Variants in LENG1 observed in about 807,000 individuals in gnomAD.
LENG1 encodes leukocyte receptor cluster (LRC) member 1.
Under a neutral mutation model 28.8 loss-of-function variants are expected in LENG1, and 35 were observed. The observed-to-expected ratio is 1.22, with a 90% CI of 0.93 to 1.61. The LOEUF is 1.61. Ranked by LOEUF, LENG1 falls within the 40% of genes most tolerant of loss-of-function variation. The pLI is 0.00. For synonymous variants in LENG1, 170 were observed against 140.6 expected, an observed-to-expected ratio of 1.21 and a Z score of -1.48; for missense variants, 404 against 348.9, an observed-to-expected ratio of 1.16 and a Z score of -1.26.
intron 2 of LENG1, 143 bp from the exon 3 acceptor site, chr19:54,157,168 C>T (rs1367479739): frequency 1.6e-6 from 1 of 614,672 alleles, no homozygotes; most frequent in Non-Finnish European, 2.6e-6. Flanking sequence ...GGAAGACAAA[C>T]AGAGGCAAAG....
In LENG1 at chr19:54,159,566, C is replaced by G. The variant is rs1263526685; in HGVS notation, c.130G>C (p.Glu44Gln). The G allele has an allele frequency of 7.0e-6, 11 of 1,570,948 alleles. No homozygotes were observed. In the East Asian group the frequency reaches 1.6e-4, roughly 23 times the overall value. Reference protein sequence around the residue: ...RERRVLLAQQEARTEFLRKKA... With the variant: ...RERRVLLAQQQARTEFLRKKA... ...GCCCTGCCGGCTTCCGAGCTTACCT[C>G]TTGCTGAGCCAGCAGCACCCTCCGC... Residue 44 changes from glutamate to glutamine, a missense_variant and splice_region_variant, in exon 1 of 4, where the codon GAG becomes CAG. Glu to Gln is a conservative substitution (Grantham distance 29). Transcript: ENST00000222224.
chr19:54,158,329 CTCCTT>C lies in LENG1; in HGVS notation c.260_264del (p.Lys87SerfsTer6). On this transcript the variant is annotated frameshift_variant, in exon 2 of 4. Transcript: ENST00000222224. LOFTEE classifies it high-confidence loss of function. ...TTGTACTCTTTATTGCCTCTGATCACTCCTTTCCCTTCCTCCAGCAGCTCCCGAAA... is the reference window on the plus strand; with the variant it reads ...TTGTACTCTTTATTGCCTCTGATCACTCCCTTCCTCCAGCAGCTCCCGAAA... The C allele has an allele frequency of 6.2e-7, 1 of 1,614,142 alleles. No homozygotes were observed. The highest frequency in any genetic ancestry group is 8.5e-7 in the Non-Finnish European group (1 of 1,180,002).
chr19:54,155,199 G>C lies in LENG1; in HGVS notation c.*522C>G, dbSNP rs572092799. On this transcript the variant is annotated 3_prime_UTR_variant, in exon 4 of 4. Transcript: ENST00000222224. ...TGTGTGCGTGCAGGGCAGCTGGCCC[G>C]GTGCCTGACACATCCACAGCCCTAA... is the stretch of plus-strand genomic sequence containing the variant. The C allele has an allele frequency of 3.0e-6, 4 of 1,343,458 alleles. No individual in the cohort carries two copies. Among genetic ancestry groups the C allele is most frequent in the Non-Finnish European group, 4.1e-6 (4 of 979,786 alleles). The allele number at this position is 1,343,458 out of a possible 1,614,324, so 83.2% of individuals were successfully genotyped here.
chr19:54,155,251 G>A lies in LENG1; in HGVS notation c.*470C>T, dbSNP rs774134747. The stretch of plus-strand genomic sequence containing the variant: ...AATTGTCCCCTTTGTCTGTTGGTCC[G>A]GCCCAGATCCCAGACCACCTCCTCG... On this transcript the variant is annotated 3_prime_UTR_variant, in exon 4 of 4. Transcript: ENST00000222224. 9 of 1,598,718 alleles carry A rather than the reference G, an allele frequency of 5.6e-6. No homozygotes were observed. Among genetic ancestry groups the A allele is most frequent in the Non-Finnish European group, 5.1e-6 (6 of 1,174,370 alleles).
chr19:54,158,051 T>G (rs2075427230), intron 2 of LENG1, among the ~76,000 whole-genome samples: 1 of 152,206 alleles, frequency 6.6e-6, no homozygotes, highest in Non-Finnish European at 1.5e-5. Flanking sequence ...CTCCTCCAGT[T>G]TGGAGAACTG....
intron 3 of LENG1, 82 bp from the exon 4 acceptor site, chr19:54,156,022 G>A (rs1045317689): frequency 4.1e-5 from 51 of 1,253,660 alleles, no homozygotes; most frequent in Admixed American, 1.3e-4. Flanking sequence ...GGGAGCTGCC[G>A]CCTGGAAGCC....
chr19:54,158,727 G>A (rs775173587), intron 1 of LENG1, among the ~76,000 whole-genome samples: 1 of 152,178 alleles, frequency 6.6e-6, no homozygotes, highest in Non-Finnish European at 1.5e-5. Flanking sequence ...AACCAAAGGG[G>A]TTCCTAACCT....
chr19:54,156,801 T>G lies in LENG1; in HGVS notation c.537A>C (p.Arg179Ser). 3 of 1,613,888 alleles carry G rather than the reference T, an allele frequency of 1.9e-6. No homozygotes were observed. The highest frequency in any genetic ancestry group is 2.5e-6 in the Non-Finnish European group (3 of 1,179,874). The change falls in exon 3 of 4, where the codon AGA becomes AGC. Residue 179 changes from arginine to serine, a missense_variant. Coordinates refer to ENST00000222224, the MANE Select transcript of LENG1 (RefSeq NM_024316.3). The part of the protein sequence containing the change: ...QHGGDEGSRS[R>S]KEKEGSEKQR... ...GCTTCTCAGACCCCTCCTTTTCCTT[T>G]CTGCTGCGACTGCCTTCATCACCGC... is the stretch of plus-strand genomic sequence containing the variant.
chr19:54,156,658 C>A, intron 3 of LENG1, 105 bp downstream of exon 3: 1 of 1,234,762 alleles, frequency 8.1e-7, no homozygotes, highest in Non-Finnish European at 1.1e-6. Flanking sequence ...CAGCCCTTCA[C>A]GGAGTCCCTG....
intron 3 of LENG1, 62 bp downstream of exon 3, chr19:54,156,701 G>A: frequency 6.6e-7 from 1 of 1,523,038 alleles, no homozygotes; most frequent in Non-Finnish European, 8.9e-7. Context: ...CAGTGCCCAT[G>A]CTGGGCTGCT....
rs756294496 is a variant in LENG1 at position 54,155,237 on chromosome 19, TTGTC to T, written c.*480_*483del. On this transcript the variant is annotated 3_prime_UTR_variant, in exon 4 of 4. Coordinates refer to ENST00000222224, the MANE Select transcript of LENG1 (RefSeq NM_024316.3). ...TCCACAGCCCTAAGAATTGTCCCCT[TTGTC>T]TGTTGGTCCGGCCCAGATCCCAGAC... 14 of 1,579,972 alleles carry T rather than the reference TTGTC, an allele frequency of 8.9e-6. No homozygotes were observed. Among genetic ancestry groups the T allele is most frequent in the Admixed American group, 1.8e-5 (1 of 57,076 alleles).
Position 54,156,894 on chromosome 19 carries a change from C to T in LENG1, c.444G>A (p.Glu148=), listed in dbSNP as rs2075400088. ...GGPPPGPAPD[E]KIKSRLDPLR... Reference sequence around the variant, plus strand: ...GAGGGTCCAGACGGCTCTTGATCTTCTCATCTGGGGCTGGGCCGGGCGGGG... The same window carrying T: ...GAGGGTCCAGACGGCTCTTGATCTTTTCATCTGGGGCTGGGCCGGGCGGGG... Residue 148 remains glutamate, a synonymous_variant, in exon 3 of 4, where the codon GAG becomes GAA. Transcript: ENST00000222224. 1 of 1,556,808 alleles carries T rather than the reference C, an allele frequency of 6.4e-7. No individual in the cohort carries two copies. Among genetic ancestry groups the T allele is most frequent in the Non-Finnish European group, 8.9e-7 (1 of 1,127,626 alleles).
At chr19:54,158,612 G>T in intron 1 of LENG1, 151 bp from the exon 2 acceptor site, 1 of 667,936 alleles carries the variant, frequency 1.5e-6, no homozygotes, top group Non-Finnish European at 2.5e-6. Context: ...TGTCCTAGCT[G>T]GGGGTGAGGG....
chr19:54,158,760 C>T (rs1416472025), intron 1 of LENG1, among the ~76,000 whole-genome samples: 1 of 152,162 alleles, frequency 6.6e-6, no homozygotes, highest in Admixed American at 6.5e-5. Flanking sequence ...TTAAAACAGC[C>T]ATAAAGGTAT....
rs775613464 is a variant in LENG1 at position 54,159,643 on chromosome 19, G to A, written c.53C>T (p.Ala18Val). 1 of 1,613,356 alleles carries A rather than the reference G, an allele frequency of 6.2e-7. No homozygotes were observed. The highest frequency in any genetic ancestry group is 8.5e-7 in the Non-Finnish European group (1 of 1,179,782). Residue 18 changes from alanine to valine, a missense_variant, in exon 1 of 4, where the codon GCC (alanine) becomes GTC (valine). Physicochemically the swap from Ala to Val is moderately conservative, Grantham distance 64. Transcript: ENST00000222224. ...SWHVRNKDNV[A>V]RVRRDEAQAR... Reference sequence around the variant, plus strand: ...CTGGGCCTCGTCACGCCGCACGCGGGCGACATTGTCCTTGTTCCGGACGTG... The same window carrying A: ...CTGGGCCTCGTCACGCCGCACGCGGACGACATTGTCCTTGTTCCGGACGTG...
Position 54,158,316 on chromosome 19 carries a change from T to G in LENG1, c.278A>C (p.Asn93Thr), listed in dbSNP as rs147827510. ...LEEGKGVIRG[N>T]KEYKEEKRQE... is the part of the protein sequence containing the mutation. Reference sequence around the variant, plus strand: ...TCGCTTTTCTTCCTTGTACTCTTTATTGCCTCTGATCACTCCTTTCCCTTC... The same window carrying G: ...TCGCTTTTCTTCCTTGTACTCTTTAGTGCCTCTGATCACTCCTTTCCCTTC... The change falls in exon 2 of 4, where the codon AAT becomes ACT. Residue 93 changes from asparagine (N) to threonine (T), a missense_variant. Asn to Thr is a moderately conservative substitution (Grantham distance 65). Transcript: ENST00000222224. 54 of 1,614,046 alleles carry G rather than the reference T, an allele frequency of 3.3e-5. No homozygotes were observed. The highest frequency in any genetic ancestry group is 4.3e-5 in the Non-Finnish European group (51 of 1,180,004).
In LENG1 at chr19:54,155,760, G is replaced by A; in HGVS notation, c.756C>T (p.Ala252=). 1 of 1,610,316 alleles carries A rather than the reference G, an allele frequency of 6.2e-7. No individual in the cohort carries two copies. The highest frequency in any genetic ancestry group is 8.5e-7 in the Non-Finnish European group (1 of 1,179,350). ...RYNSQFNPQL[A]RRPRQQDPHL... ...GAGGGTCCTGCTGGCGGGGGCGCCG[G>A]GCCAGCTGGGGGTTGAATTGGGAGT... Residue 252 remains alanine, a synonymous_variant, in exon 4 of 4, where the codon GCC becomes GCT. Transcript: ENST00000222224.
At position 54,159,553 on chromosome 19, in the gene LENG1, T is replaced by C; in HGVS notation, c.132+11A>G. On this transcript the variant is annotated intron_variant, in intron 1 of 3. Coordinates refer to ENST00000222224, the MANE Select transcript of LENG1 (RefSeq NM_024316.3). The stretch of plus-strand genomic sequence containing the variant: ...GCCCCGGAGCGCCGCCCTGCCGGCT[T>C]CCGAGCTTACCTCTTGCTGAGCCAG... The C allele has an allele frequency of 1.3e-6, 2 of 1,544,598 alleles. No individual in the cohort carries two copies. Among genetic ancestry groups the C allele is most frequent in the Non-Finnish European group, 8.7e-7 (1 of 1,146,348 alleles).
chr19:54,157,373 T>C (rs1162745886), intron 2 of LENG1, among the ~76,000 whole-genome samples: 1 of 152,148 alleles, frequency 6.6e-6, no homozygotes, highest in Non-Finnish European at 1.5e-5. Context: ...AGAGCTGATG[T>C]ACCTCTTTTT....
Sources: gnomAD v4.1 joint callset for allele counts (sites outside exome capture counted in the v4.1 genomes callset) on GRCh38, gnomAD v4.1.1 for gene constraint, MANE v1.5 for transcripts, NCBI Gene and HGNC (gene_info 2026-07-23, HGNC 2026-07-21) for gene names.